The following ERMP1 variants were observed in gnomAD, a reference collection of about 807,000 sequenced individuals.
The protein encoded by ERMP1 is endoplasmic reticulum metallopeptidase 1.
Under a neutral mutation model 92.0 loss-of-function variants are expected in ERMP1, and 86 were observed. The observed-to-expected ratio is 0.93, with a 90% CI of 0.79 to 1.12. The LOEUF (loss-of-function observed/expected upper bound fraction) is 1.12, where lower values mean the gene tolerates loss of function less well. Ranked by LOEUF, ERMP1 falls within the 50% of genes most tolerant of loss-of-function variation. ERMP1 has a pLI of 0.00. For synonymous variants in ERMP1, 530 were observed against 412.8 expected, an observed-to-expected ratio of 1.28 and a Z score of -3.44; for missense variants, 1,342 against 1,116.3, an observed-to-expected ratio of 1.20 and a Z score of -2.88.
At chr9:5,790,466 C>A (rs1474174190) in intron 13 of ERMP1, among the ~76,000 whole-genome samples, 1 of 152,012 alleles carries the variant, frequency 6.6e-6, no homozygotes, top group East Asian at 1.9e-4. Flanking sequence ...GTAAATAAAC[C>A]TAACTTACCC....
intron 6 of ERMP1, among the ~76,000 whole-genome samples, chr9:5,845,065 A>G (rs1167238390): frequency 6.6e-6 from 1 of 151,508 alleles, no homozygotes; most frequent in Non-Finnish European, 1.5e-5. Flanking sequence ...AGGGCCTTTG[A>G]AACTTAAACT....
chr9:5,843,607 T>C (rs1830193474), intron 6 of ERMP1, among the ~76,000 whole-genome samples: 2 of 152,222 alleles, frequency 1.3e-5, no homozygotes, highest in South Asian at 4.1e-4. Context: ...TCTCTCCTTC[T>C]TAGTTGAGAG....
chr9:5,820,134 A>G (rs1829475608), intron 4 of ERMP1, among the ~76,000 whole-genome samples: 2 of 152,256 alleles, frequency 1.3e-5, no homozygotes, highest in African/African-American at 4.8e-5. Context: ...CCCCGTCTCC[A>G]CTAAAAATAC....
intron 6 of ERMP1, among the ~76,000 whole-genome samples, chr9:5,841,245 C>G (rs1452681505): frequency 2.0e-5 from 3 of 152,118 alleles, no homozygotes; most frequent in Non-Finnish European, 4.4e-5. Flanking sequence ...ATTATAAAAA[C>G]TTGTTCACAA....
Position 5,832,812 on chromosome 9 carries a change from G to A in ERMP1, c.216C>T (p.Arg72=). 3 of 1,501,714 alleles carry A rather than the reference G, an allele frequency of 2.0e-6. No homozygotes were observed. The highest frequency in any genetic ancestry group is 2.6e-6 in the Non-Finnish European group (3 of 1,133,530). 93.0% of individuals were successfully genotyped at this position (1,501,714 alleles called of 1,614,324 possible). A position where few individuals can be genotyped will look rare whatever the true frequency, so the allele number is the denominator to read the frequency against. The change falls in exon 1 of 15, where the codon CGC becomes CGT. Residue 72 remains arginine, a synonymous_variant. Transcript: ENST00000339450. ...RGAGTGLSEV[R]AALGLALYLI... ...GGTAGAGCGCGAGCCCCAGCGCGGC[G>A]CGCACCTCAGACAGCCCGGTCCCCG...
intron 6 of ERMP1, among the ~76,000 whole-genome samples, chr9:5,839,954 A>G (rs1403241288): frequency 1.3e-5 from 2 of 152,184 alleles, no homozygotes; most frequent in Non-Finnish European, 2.9e-5. Context: ...ATAAGCAGAA[A>G]GTCTAGGCCG....
chr9:5,826,460 T>C (rs1487673509), intron 2 of ERMP1, among the ~76,000 whole-genome samples: 1 of 152,224 alleles, frequency 6.6e-6, no homozygotes, highest in Non-Finnish European at 1.5e-5. Context: ...TAATGCCCAG[T>C]GCCTAGCACC....
intron 6 of ERMP1, among the ~76,000 whole-genome samples, chr9:5,847,961 G>A (rs188190913): frequency 4.7e-5 from 7 of 150,444 alleles, no homozygotes; most frequent in East Asian, 1.9e-4. Context: ...AACAAACCCC[G>A]TAAGATGGGT....
chr9:5,823,214 G>A (rs1043932641), intron 4 of ERMP1, among the ~76,000 whole-genome samples: 5 of 152,102 alleles, frequency 3.3e-5, no homozygotes, highest in Admixed American at 6.5e-5. Flanking sequence ...GAACCCAGGA[G>A]GTCAAGGCTG....
intron 7 of ERMP1, among the ~76,000 whole-genome samples, chr9:5,810,556 A>G (rs1829053277): frequency 1.3e-5 from 2 of 152,230 alleles, no homozygotes; most frequent in South Asian, 4.1e-4. Flanking sequence ...GTGTATCAAA[A>G]TATTAGCAAG....
chr9:5,847,342 G>A (rs1830249737), intron 6 of ERMP1, among the ~76,000 whole-genome samples: 1 of 152,090 alleles, frequency 6.6e-6, no homozygotes, highest in East Asian at 1.9e-4. Context: ...GGGCTCAAAC[G>A]ATCCTCCCGC....
At chr9:5,824,930 G>T (rs539724386) in intron 3 of ERMP1, among the ~76,000 whole-genome samples, 162 bp downstream of exon 3, 1 of 152,102 alleles carries the variant, frequency 6.6e-6, no homozygotes, top group Non-Finnish European at 1.5e-5. Flanking sequence ...AAGTGGTTGT[G>T]AATTTGTTAA....
intron 12 of ERMP1, 81 bp from the exon 13 acceptor site, chr9:5,798,013 A>T: frequency 5.9e-6 from 5 of 850,476 alleles, no homozygotes; most frequent in Non-Finnish European, 9.9e-6. Flanking sequence ...TTCAGCATAT[A>T]TGAACACATT....
intron 8 of ERMP1, among the ~76,000 whole-genome samples, chr9:5,807,533 G>A (rs1039080963): frequency 1.3e-5 from 2 of 152,152 alleles, no homozygotes; most frequent in African/African-American, 4.8e-5. Context: ...ATCACTTGAG[G>A]TCAGGAGTTG....
At chr9:5,848,958 G>T (rs1405610387) in intron 6 of ERMP1, among the ~76,000 whole-genome samples, 1 of 152,208 alleles carries the variant, frequency 6.6e-6, no homozygotes, top group East Asian at 1.9e-4. Flanking sequence ...AGGAAACCAA[G>T]TGGAGAAGCC....
At chr9:5,811,000 A>C in intron 7 of ERMP1, 111 bp downstream of exon 7, 1 of 665,076 alleles carries the variant, frequency 1.5e-6, no homozygotes, top group Non-Finnish European at 2.5e-6. Flanking sequence ...TAAAGCAAAC[A>C]TTGTCTTAAG....
chr9:5,850,222 A>G (rs1403531366), intron 6 of ERMP1, among the ~76,000 whole-genome samples: 1 of 151,994 alleles, frequency 6.6e-6, no homozygotes, highest in Non-Finnish European at 1.5e-5. Flanking sequence ...CCTGGCCAAC[A>G]TGGTGAAACC....
rs1378096672 is a variant in ERMP1 at position 5,798,908 on chromosome 9, G to A, written c.2168C>T (p.Thr723Ile). 2 of 1,611,806 alleles carry A rather than the reference G, an allele frequency of 1.2e-6. No individual in the cohort carries two copies. The highest frequency in any genetic ancestry group is 2.2e-5 in the East Asian group (1 of 44,864). Residue 723 changes from threonine to isoleucine, a missense_variant, in exon 12 of 15, where the codon ACC becomes ATC. By Grantham distance (89) the Thr-to-Ile change is moderately conservative. Transcript: ENST00000339450. ...ATCATTGATCTCAGGAATGTGAGGG[G>A]TTATGTGAGAAATTCCAGTATAATC... ...GFDYTGISHI[T>I]PHIPEINDSI... is the part of the protein sequence containing the mutation.
chr9:5,832,462 C>G (rs1239938348), intron 1 of ERMP1: 1 of 462,666 alleles, frequency 2.2e-6, no homozygotes, highest in African/African-American at 2.1e-5. Context: ...ACCTGGCAAC[C>G]CCAATCTGCA....
Sources: gnomAD v4.1 joint callset for allele counts (sites outside exome capture counted in the v4.1 genomes callset) on GRCh38, gnomAD v4.1.1 for gene constraint, MANE v1.5 for transcripts, NCBI Gene and HGNC (gene_info 2026-07-23, HGNC 2026-07-21) for gene names.